TRPA1: variants seen among roughly 807,000 people sequenced by gnomAD.
TRPA1 encodes the protein transient receptor potential cation channel subfamily A member 1.
In TRPA1, 129 loss-of-function variants were observed where a neutral mutation model predicts 131.3. That is an observed-to-expected ratio of 0.98 (90% CI 0.85 to 1.14). TRPA1 has a LOEUF of 1.14. Ranked by LOEUF, TRPA1 falls within the 50% of genes most tolerant of loss-of-function variation. TRPA1 has a pLI of 0.00. For missense variants in TRPA1, 1,304 were observed against 1,354.2 expected (o/e 0.96, Z 0.58); for synonymous variants, 441 against 451.7 (o/e 0.98, Z 0.30).
At chr8:72,048,815 C>T (rs1333049187) in intron 15 of TRPA1, among the ~76,000 whole-genome samples, 1 of 152,072 alleles carries the variant, frequency 6.6e-6, no homozygotes, top group East Asian at 1.9e-4. Context: ...AAAAACTAAT[C>T]CTAATCCTAT....
chr8:72,029,113 CTT>C (rs1172724435), intron 24 of TRPA1, among the ~76,000 whole-genome samples: 1 of 152,208 alleles, frequency 6.6e-6, no homozygotes, highest in Non-Finnish European at 1.5e-5. Context: ...AGCCAGGAAA[CTT>C]TGACACCAAA....
chr8:72,086,280 G>T, the TRPA1 span, among the ~76,000 whole-genome samples: 1 of 152,094 alleles, frequency 6.6e-6, no homozygotes, highest in Non-Finnish European at 1.5e-5. Context: ...TCAAACTCAA[G>T]AGTTAATTAT....
chr8:72,068,229 T>C (rs985063769), intron 3 of TRPA1, among the ~76,000 whole-genome samples: 4 of 152,230 alleles, frequency 2.6e-5, no homozygotes, highest in South Asian at 2.1e-4. Context: ...AGAAAACTTA[T>C]TATAAGTTCC....
At chr8:72,046,641 TAC>T (rs1805333692) in intron 16 of TRPA1, 33 bp from the exon 17 acceptor site, 2 of 1,177,192 alleles carry the variant, frequency 1.7e-6, no homozygotes. Flanking sequence ...TAAAAAAATG[TAC>T]AGTTAGTCAA....
At chr8:72,072,602 A>G (rs1453810525) in intron 1 of TRPA1, among the ~76,000 whole-genome samples, 1 of 152,206 alleles carries the variant, frequency 6.6e-6, no homozygotes, top group Non-Finnish European at 1.5e-5. Flanking sequence ...ATTTACACAT[A>G]TTCAGTAATA....
rs1397184508 is a variant in TRPA1 at position 72,022,911 on chromosome 8, G to T, written c.3355C>A (p.Pro1119Thr). Reference protein sequence around the residue: ...AVKAKTHHLEP With the variant: ...AVKAKTHHLET ...CTCACTGAAGGTCTGAGGAGCTAAG[G>T]CTCAAGATGGTGTGTTTTTGCCTTG... is the stretch of plus-strand genomic sequence containing the variant. Residue 1119 changes from proline to threonine, a missense_variant, in exon 27 of 27, where the codon CCT becomes ACT. Coordinates refer to ENST00000262209, the MANE Select transcript of TRPA1 (RefSeq NM_007332.3). 4.3e-6 allele frequency: 7 copies of T among 1,613,426 alleles called. No individual in the cohort carries two copies. The highest frequency in any genetic ancestry group is 4.2e-6 in the Non-Finnish European group (5 of 1,179,722).
chr8:72,039,231 A>G (rs541676547), intron 18 of TRPA1, among the ~76,000 whole-genome samples: 1 of 152,164 alleles, frequency 6.6e-6, no homozygotes, highest in South Asian at 2.1e-4. Flanking sequence ...GACTTAACAA[A>G]TTAATGAAAG....
intron 15 of TRPA1, among the ~76,000 whole-genome samples, chr8:72,049,193 TAAC>T (rs1563393209): frequency 6.6e-6 from 1 of 152,184 alleles, no homozygotes; most frequent in African/African-American, 2.4e-5. Context: ...GTAGTACTAA[TAAC>T]CACATAAGCA....
rs765725094 is a variant in TRPA1, at chr8:72,055,722, C to T, written c.1328G>A (p.Ser443Asn). ...ATGCAGAGGTGATTTCTTATCTTTG[C>T]TTTTGGAATGAATGGACACATTAAA... ...LGFNVSIHSK[S>N]KDKKSPLHFA... Residue 443 changes from serine to asparagine, a missense_variant, in exon 11 of 27, where the codon AGC becomes AAC. Physicochemically the swap from Ser to Asn is conservative, Grantham distance 46. Coordinates refer to ENST00000262209, the MANE Select transcript of TRPA1 (RefSeq NM_007332.3). 15 of 1,613,338 alleles carry T rather than the reference C, an allele frequency of 9.3e-6. No homozygotes were observed. Among genetic ancestry groups the T allele is most frequent in the African/African-American group, 2.7e-5 (2 of 74,890 alleles).
Position 72,052,723 on chromosome 8 carries a change from C to A in TRPA1, c.1687G>T (p.Ala563Ser), listed in dbSNP as rs774343110. 6.2e-7 allele frequency: 1 copy of A among 1,613,664 alleles called. No individual in the cohort carries two copies. The highest frequency in any genetic ancestry group is 1.1e-5 in the South Asian group (1 of 91,070). The change falls in exon 14 of 27, where the codon GCC becomes TCC. Residue 563 changes from alanine (A) to serine (S), a missense_variant. Coordinates refer to ENST00000262209, the MANE Select transcript of TRPA1 (RefSeq NM_007332.3). ...HFAAREGHAKAVALLLSHNAD... is the reference protein window; with the variant it reads ...HFAAREGHAKSVALLLSHNAD... ...TTGTGGCTCAGAAGAAGCGCAACGG[C>A]TTTGGCGTGGCCTTCCCTTGCAGCA...
chr8:72,029,261 T>C (rs1013383080), intron 24 of TRPA1, among the ~76,000 whole-genome samples: 1 of 152,206 alleles, frequency 6.6e-6, no homozygotes, highest in Non-Finnish European at 1.5e-5. Flanking sequence ...GGAGCTCCTT[T>C]GAACAGCGGG....
chr8:72,052,343 GC>G (rs1805529179), intron 14 of TRPA1, among the ~76,000 whole-genome samples: 1 of 152,136 alleles, frequency 6.6e-6, no homozygotes, highest in Non-Finnish European at 1.5e-5. Flanking sequence ...AATTGCTGAA[GC>G]CCGGGAGGCG....
rs946181006 is a variant in TRPA1 at position 72,033,767 on chromosome 8, A to G, written c.2745T>C (p.Asp915=). 2 of 1,613,944 alleles carry G rather than the reference A, an allele frequency of 1.2e-6. No homozygotes were observed. The highest frequency in any genetic ancestry group is 1.7e-6 in the Non-Finnish European group (2 of 1,179,952). The change falls in exon 23 of 27, where the codon GAT becomes GAC. Residue 915 remains aspartate, a synonymous_variant. Coordinates refer to ENST00000262209, the MANE Select transcript of TRPA1 (RefSeq NM_007332.3). ...CTAGGAAGGACTCTCGATAATTGAT[A>G]TCTCCTAGCATCATGCTGAAGGTCT... The part of the protein sequence containing the change: ...IIQTFSMMLG[D]INYRESFLEP...
upstream of TRPA1, among the ~76,000 whole-genome samples, chr8:72,077,522 A>AT (rs1277488920): frequency 9.9e-5 from 15 of 152,128 alleles, no homozygotes; most frequent in East Asian, 7.7e-4. Flanking sequence ...TATAGATATG[A>AT]TTTTTTTCCT....
chr8:72,025,998 C>A lies in TRPA1; in HGVS notation c.3013G>T (p.Val1005Leu). The A allele has an allele frequency of 6.2e-7, 1 of 1,613,942 alleles. No homozygotes were observed. The highest frequency in any genetic ancestry group is 8.5e-7 in the Non-Finnish European group (1 of 1,179,904). The change falls in exon 25 of 27, where the codon GTG becomes TTG. Residue 1005 changes from valine (V) to leucine (L), a missense_variant. By Grantham distance (32) the Val-to-Leu change is conservative. Transcript: ENST00000262209. ...LRKVDQKSTI[V>L]YPNKPRSGGM... ...CCAGATCTGGGTTTGTTGGGATACA[C>A]GATGGTGGATTTCTGATCCACTTTG... is the stretch of plus-strand genomic sequence containing the variant.
At chr8:72,057,942 C>T (rs7841649) in intron 8 of TRPA1, 126 bp from the exon 9 acceptor site, 15,660 of 701,408 alleles carry the variant, frequency 0.022, 384 homozygotes, top group African/African-American at 0.097. Flanking sequence ...CTGAACCATA[C>T]GACTAGTTAT....
intron 25 of TRPA1, among the ~76,000 whole-genome samples, chr8:72,024,313 C>T (rs1453871081): frequency 6.6e-6 from 1 of 152,136 alleles, no homozygotes; most frequent in Non-Finnish European, 1.5e-5. Flanking sequence ...AAAGTTTCAC[C>T]TGGAGAAATT....
chr8:72,069,791 GGAGA>G (rs139984689), intron 2 of TRPA1, among the ~76,000 whole-genome samples: 1 of 150,034 alleles, frequency 6.7e-6, no homozygotes, highest in African/African-American at 2.4e-5. Context: ...ACACACACAG[GGAGA>G]GAGAGAGAGA....
chr8:72,062,339 C>A (rs2129436102), intron 6 of TRPA1: 1 of 180,096 alleles, frequency 5.6e-6, no homozygotes, highest in African/African-American at 2.4e-5. Context: ...GAACTCTCCA[C>A]TTTTGGTCAG....
Sources: gnomAD v4.1 joint callset for allele counts (sites outside exome capture counted in the v4.1 genomes callset) on GRCh38, gnomAD v4.1.1 for gene constraint, MANE v1.5 for transcripts, NCBI Gene and HGNC (gene_info 2026-07-23, HGNC 2026-07-21) for gene names.